Variants in ETV6 observed in about 807,000 individuals in gnomAD.
ETV6 encodes the protein transcription factor ETV6.
ETV6 carries 16 observed loss-of-function variants against 51.1 expected under a neutral mutation model. The observed-to-expected ratio is 0.31, with a 90% CI of 0.21 to 0.48. ETV6 has a LOEUF of 0.48. ETV6 is among the 20% of genes least tolerant of loss of function. The pLI, the probability that ETV6 is intolerant of heterozygous loss-of-function variation, is 0.99. For synonymous variants in ETV6, 240 were observed against 224.1 expected, an observed-to-expected ratio of 1.07 and a Z score of -0.64; for missense variants, 458 against 594.8, an observed-to-expected ratio of 0.77 and a Z score of 2.39.
chr12:11,752,598 A>G lies in ETV6; in HGVS notation c.163+19A>G. 1.2e-6 allele frequency: 2 copies of G among 1,601,624 alleles called. No individual in the cohort carries two copies. The highest frequency in any genetic ancestry group is 3.8e-4 in the Middle Eastern group (2 of 5,290). ...CACCTGCGTGAGTGTTCGTGACCCGAGAGGGACAGAGGATTGATGGCGTGG... is the reference window on the plus strand; with the variant it reads ...CACCTGCGTGAGTGTTCGTGACCCGGGAGGGACAGAGGATTGATGGCGTGG... On this transcript the variant is annotated intron_variant, in intron 2 of 7. Transcript: ENST00000396373.
intron 3 of ETV6, among the ~76,000 whole-genome samples, chr12:11,849,756 C>T (rs944719890): frequency 1.1e-4 from 16 of 152,186 alleles, no homozygotes; most frequent in Non-Finnish European, 2.2e-4. Context: ...CCACTTCTTT[C>T]TGGGAGAAGG....
intron 1 of ETV6, among the ~76,000 whole-genome samples, chr12:11,655,628 A>G (rs1438333554): frequency 6.6e-6 from 1 of 152,264 alleles, no homozygotes; most frequent in Non-Finnish European, 1.5e-5. Flanking sequence ...AACTAGTGCT[A>G]CGATGTGCTT....
At chr12:11,767,815 A>G (rs1478113730) in intron 2 of ETV6, among the ~76,000 whole-genome samples, 1 of 152,216 alleles carries the variant, frequency 6.6e-6, no homozygotes, top group Non-Finnish European at 1.5e-5. Flanking sequence ...TGAAAAAGCT[A>G]CACTTTTTTA....
At chr12:11,885,188 A>G (rs1947166141) in intron 6 of ETV6, among the ~76,000 whole-genome samples, 1 of 152,220 alleles carries the variant, frequency 6.6e-6, no homozygotes, top group African/African-American at 2.4e-5. Context: ...AGGCCAGTCG[A>G]TAGGTGGACC....
Position 11,786,409 on chromosome 12 carries a change from G to A in ETV6, c.163+33830G>A, listed in dbSNP as rs141922045. ...AGAATAAGTATGAAATATAATAACTGGAAATAGGACATATAATTGACATAA... is the reference window on the plus strand; with the variant it reads ...AGAATAAGTATGAAATATAATAACTAGAAATAGGACATATAATTGACATAA... On this transcript the variant is annotated intron_variant, in intron 2 of 7. Transcript: ENST00000396373. Among the ~76,000 whole-genome samples the A allele has an allele frequency of 3.6e-3, 550 of 151,382 alleles. 2 individuals carry two copies. The highest frequency in any genetic ancestry group is 0.013 in the African/African-American group (534 of 41,244).
chr12:11,740,755 A>G (rs944923139), intron 1 of ETV6, among the ~76,000 whole-genome samples: 5 of 152,236 alleles, frequency 3.3e-5, no homozygotes, highest in African/African-American at 9.6e-5. Flanking sequence ...TGAGTAAACT[A>G]CTTTTACCCT....
At chr12:11,829,983 C>G (rs1051483144) in intron 2 of ETV6, among the ~76,000 whole-genome samples, 1 of 152,154 alleles carries the variant, frequency 6.6e-6, no homozygotes, top group African/African-American at 2.4e-5. Flanking sequence ...AGAATGCATC[C>G]AAGGCTGGCC....
Position 11,845,024 on chromosome 12 carries a change from T to TA in ETV6, c.328+5720_328+5721insA, listed in dbSNP as rs1185899405. On this transcript the variant is annotated intron_variant, in intron 3 of 7. Coordinates refer to ENST00000396373, the MANE Select transcript of ETV6 (RefSeq NM_001987.5). ...TTTTTGTATTTTAGTAGAGATGAGG[T>TA]TTCACCGTGTTGGCCAGGATGATCT... is the stretch of plus-strand genomic sequence containing the variant. Among the ~76,000 whole-genome samples, 11 of 152,030 alleles carry TA rather than the reference T, an allele frequency of 7.2e-5. 1 individual carries two copies. The highest frequency in any genetic ancestry group is 3.4e-3 in the Middle Eastern group (1 of 294).
intron 2 of ETV6, among the ~76,000 whole-genome samples, chr12:11,828,181 C>T (rs1335686073): frequency 6.6e-6 from 1 of 152,156 alleles, no homozygotes; most frequent in Non-Finnish European, 1.5e-5. Context: ...TGCCTCTTTG[C>T]TTTAGAAACT....
Position 11,869,718 on chromosome 12 carries a change from C to G in ETV6, c.758C>G (p.Pro253Arg). 11 of 1,613,992 alleles carry G rather than the reference C, an allele frequency of 6.8e-6. No homozygotes were observed. The highest frequency in any genetic ancestry group is 8.5e-6 in the Non-Finnish European group (10 of 1,180,042). Residue 253 changes from proline to arginine, a missense_variant, in exon 5 of 8, where the codon CCG (proline) becomes CGG (arginine). Coordinates refer to ENST00000396373, the MANE Select transcript of ETV6 (RefSeq NM_001987.5). This position sits in a 1 kb window ranked among gnomAD's most constrained non-coding sequence, Gnocchi z 5.0. ...NHCPASSESH[P>R]KPSSPRQEST... The stretch of plus-strand genomic sequence containing the variant: ...TGCCCAGCGTCCTCCGAGTCCCACC[C>G]GAAGCCATCCAGCCCCCGGCAGGAG...
intron 2 of ETV6, 79 bp downstream of exon 2, chr12:11,752,658 G>A: frequency 6.5e-7 from 1 of 1,530,916 alleles, no homozygotes; most frequent in Admixed American, 1.8e-5. Context: ...CCAGGCCAGA[G>A]AGGGGCAAGC....
intron 5 of ETV6, among the ~76,000 whole-genome samples, chr12:11,874,105 G>C (rs1286182564): frequency 8.9e-6 from 1 of 111,838 alleles, no homozygotes; most frequent in African/African-American, 3.5e-5. Flanking sequence ...GCTGGGTACT[G>C]TGGCTCACGC....
intron 3 of ETV6, among the ~76,000 whole-genome samples, chr12:11,848,741 C>T (rs1055575683): frequency 6.6e-5 from 10 of 152,218 alleles, no homozygotes; most frequent in South Asian, 2.1e-4. Flanking sequence ...TGAAGGGCCC[C>T]GAAGCTCACT....
In ETV6 at chr12:11,843,257, G is replaced by A. The variant is rs908681923; in HGVS notation, c.328+3953G>A. ...TGAAGGGGTCACTCAGCAAGAGGGG[G>A]AAGGCCACAGGCATCCTCCTTAGGC... On this transcript the variant is annotated intron_variant, in intron 3 of 7. Transcript: ENST00000396373. Among the ~76,000 whole-genome samples, 3 of 152,188 alleles carry A rather than the reference G, an allele frequency of 2.0e-5. 1 individual carries two copies. The highest frequency in any genetic ancestry group is 4.1e-4 in the South Asian group (2 of 4,828).
intron 4 of ETV6, among the ~76,000 whole-genome samples, chr12:11,858,958 C>T (rs890282043): frequency 3.9e-5 from 6 of 151,932 alleles, no homozygotes; most frequent in South Asian, 4.2e-4. Context: ...ATGTGTTCTG[C>T]GATGGCCCAC....
intron 2 of ETV6, among the ~76,000 whole-genome samples, chr12:11,835,319 A>T (rs982777474): frequency 6.6e-6 from 1 of 152,262 alleles, no homozygotes; most frequent in Non-Finnish European, 1.5e-5. Context: ...CACAGGGAAT[A>T]GTATAATATA....
chr12:11,657,291 G>C (rs549052538), intron 1 of ETV6, among the ~76,000 whole-genome samples: 3 of 152,184 alleles, frequency 2.0e-5, no homozygotes, highest in Non-Finnish European at 4.4e-5. Context: ...CAGAATCAGT[G>C]TTCCATCCTA....
intron 5 of ETV6, among the ~76,000 whole-genome samples, chr12:11,881,950 A>G (rs1947103472): frequency 1.3e-5 from 2 of 152,176 alleles, no homozygotes; most frequent in Admixed American, 6.5e-5. Context: ...CCCCCACCTC[A>G]GCCCATCCCC....
intron 1 of ETV6, among the ~76,000 whole-genome samples, chr12:11,705,159 GT>G (rs1865051356): frequency 6.6e-6 from 1 of 152,152 alleles, no homozygotes; most frequent in East Asian, 1.9e-4. Flanking sequence ...TTCTGTTGCT[GT>G]TGTTGCATTA....
Sources: allele counts gnomAD v4.1 joint callset (sites outside exome capture counted in the v4.1 genomes callset), GRCh38; gene constraint gnomAD v4.1.1; non-coding constraint Gnocchi (gnomAD v3.1); transcripts MANE v1.5; gene names NCBI Gene and HGNC (gene_info 2026-07-23, HGNC 2026-07-21).